The following OR9Q1 variants were observed in gnomAD, a reference collection of about 807,000 sequenced individuals.
The protein encoded by OR9Q1 is olfactory receptor 9Q1.
For synonymous variants in OR9Q1, 153 were observed against 148.6 expected, an observed-to-expected ratio of 1.03 and a Z score of -0.22; for missense variants, 374 against 378.8, an observed-to-expected ratio of 0.99 and a Z score of 0.11.
intron 2 of OR9Q1, among the ~76,000 whole-genome samples, chr11:58,138,573 T>C (rs1425535189): frequency 6.6e-6 from 1 of 152,216 alleles, no homozygotes; most frequent in Non-Finnish European, 1.5e-5. Context: ...TTTCCATTAA[T>C]TTAAATTGTA....
In OR9Q1 at chr11:58,142,140, A is replaced by T. The variant is rs554760432; in HGVS notation, c.-14-37291A>T. ...TGATGGTCTTAATATCCTTATCCTT[A>T]CTTTGATACTTTTAATTCCTCATAC... On this transcript the variant is annotated intron_variant, in intron 2 of 2. Transcript: ENST00000335397. Among the ~76,000 whole-genome samples, 3 of 152,158 alleles carry T rather than the reference A, an allele frequency of 2.0e-5. No homozygotes were observed. The South Asian group carries it at 6.2e-4, about 32-fold the overall frequency.
chr11:58,104,845 G>T (rs1399526625), intron 2 of OR9Q1, among the ~76,000 whole-genome samples: 2 of 152,134 alleles, frequency 1.3e-5, no homozygotes, highest in Non-Finnish European at 2.9e-5. Context: ...TTAATCCTGG[G>T]TGCCTGAATG....
chr11:58,118,666 A>G (rs769202886), intron 2 of OR9Q1: 1 of 1,613,900 alleles, frequency 6.2e-7, no homozygotes, highest in African/African-American at 1.3e-5. Context: ...GCCACTTTGC[A>G]GATACATGAA....
At chr11:58,098,205 C>T (rs1441212663) in intron 2 of OR9Q1, among the ~76,000 whole-genome samples, 2 of 152,062 alleles carry the variant, frequency 1.3e-5, no homozygotes, top group East Asian at 1.9e-4. Context: ...TTTTTTATCC[C>T]GTCGTGGGGA....
chr11:58,156,779 A>G (rs1428709379), intron 2 of OR9Q1, among the ~76,000 whole-genome samples: 2 of 152,114 alleles, frequency 1.3e-5, no homozygotes, highest in African/African-American at 4.8e-5. Flanking sequence ...GTCACTTTGT[A>G]TATCTATCCA....
At chr11:58,054,056 C>T (rs1406243250) in intron 1 of OR9Q1, among the ~76,000 whole-genome samples, 1 of 152,134 alleles carries the variant, frequency 6.6e-6, no homozygotes, top group Non-Finnish European at 1.5e-5. Flanking sequence ...TTATGGTAAC[C>T]ATTACACAAT....
rs575335073 is a variant in OR9Q1, at chr11:58,139,533, G to T, written c.-14-39898G>T. Reference sequence around the variant, plus strand: ...CCATCTATGAGTGAGAACATGTGGTGTTTGGTTTTTTGTCTTTGCGATAGT... The same window carrying T: ...CCATCTATGAGTGAGAACATGTGGTTTTTGGTTTTTTGTCTTTGCGATAGT... On this transcript the variant is annotated intron_variant, in intron 2 of 2. Transcript: ENST00000335397. Among the ~76,000 whole-genome samples the T allele has an allele frequency of 6.7e-3, 1,025 of 152,118 alleles. 13 individuals carry two copies. Among genetic ancestry groups the T allele is most frequent in the African/African-American group, 0.023 (964 of 41,492 alleles).
intron 1 of OR9Q1, among the ~76,000 whole-genome samples, chr11:58,032,573 A>T (rs1853052921): frequency 6.6e-6 from 1 of 152,212 alleles, no homozygotes; most frequent in Non-Finnish European, 1.5e-5. Flanking sequence ...TATGCAGAAG[A>T]CTGAAACTGA....
chr11:58,065,697 G>C (rs752146336), intron 2 of OR9Q1, among the ~76,000 whole-genome samples: 1 of 152,274 alleles, frequency 6.6e-6, no homozygotes, highest in East Asian at 1.9e-4. Context: ...ACACGCCCAG[G>C]CAGAAGTTGC....
chr11:58,085,568 A>C (rs1853626375), intron 2 of OR9Q1, among the ~76,000 whole-genome samples: 1 of 151,924 alleles, frequency 6.6e-6, no homozygotes, highest in East Asian at 1.9e-4. Context: ...CCTCTCCCCC[A>C]AAACCTGGGC....
chr11:58,065,334 G>C (rs1853418630), intron 2 of OR9Q1, among the ~76,000 whole-genome samples: 1 of 149,278 alleles, frequency 6.7e-6, no homozygotes, highest in Non-Finnish European at 1.5e-5. Flanking sequence ...TGCATAGACA[G>C]ACAGAAGCAG....
chr11:58,030,862 A>G, intron 1 of OR9Q1: 1 of 779,014 alleles, frequency 1.3e-6, no homozygotes. Flanking sequence ...AGTGAAAGGC[A>G]TTTTAGTACA....
chr11:58,082,489 C>G (rs60225863), intron 2 of OR9Q1, among the ~76,000 whole-genome samples: 1 of 149,652 alleles, frequency 6.7e-6, no homozygotes, highest in Middle Eastern at 3.2e-3. Context: ...AGTAAACTAT[C>G]GCAAGGACAA....
At chr11:58,094,231 GATAA>G (rs547015376) in intron 2 of OR9Q1, among the ~76,000 whole-genome samples, 11 of 152,148 alleles carry the variant, frequency 7.2e-5, no homozygotes, top group Non-Finnish European at 1.6e-4. Flanking sequence ...ATAAATGGGA[GATAA>G]ATAATGTGTA....
chr11:58,122,633 T>C (rs1854045710), intron 2 of OR9Q1, among the ~76,000 whole-genome samples: 1 of 152,150 alleles, frequency 6.6e-6, no homozygotes, highest in Non-Finnish European at 1.5e-5. Context: ...AGGTAGAAAA[T>C]TGAATGGCCT....
chr11:58,173,715 T>C (rs1168076000), intron 2 of OR9Q1, among the ~76,000 whole-genome samples: 1 of 152,090 alleles, frequency 6.6e-6, no homozygotes, highest in African/African-American at 2.4e-5. Context: ...TGGGAGGGCA[T>C]AGCAACATTT....
At chr11:58,061,952 A>G (rs894983354) in intron 2 of OR9Q1, among the ~76,000 whole-genome samples, 5 of 152,338 alleles carry the variant, frequency 3.3e-5, no homozygotes, top group African/African-American at 9.6e-5. Flanking sequence ...CTACTTGCCA[A>G]TCTCAAAGAT....
chr11:58,073,702 G>A (rs1380169167), intron 2 of OR9Q1: 1 of 152,138 alleles, frequency 6.6e-6, no homozygotes. Context: ...TGTTACATAG[G>A]TGTACATGTG....
In OR9Q1 at chr11:58,180,200, T is replaced by C; in HGVS notation, c.756T>C (p.Gly252=). Reference sequence around the variant, plus strand: ...TCACTGCTGTGTCACTCTTCTTTGGTACCCTCATCTTCATGTACTTGAGAG... The same window carrying C: ...TCACTGCTGTGTCACTCTTCTTTGGCACCCTCATCTTCATGTACTTGAGAG... ...SHLTAVSLFF[G]TLIFMYLRGN... Residue 252 remains glycine (G), a synonymous_variant, in exon 3 of 3, where the codon GGT becomes GGC. Coordinates refer to ENST00000335397, the MANE Select transcript of OR9Q1 (RefSeq NM_001005212.4). 1 of 1,614,128 alleles carries C rather than the reference T, an allele frequency of 6.2e-7. No individual in the cohort carries two copies. The highest frequency in any genetic ancestry group is 8.5e-7 in the Non-Finnish European group (1 of 1,179,986).
Sources: allele counts gnomAD v4.1 joint callset (sites outside exome capture counted in the v4.1 genomes callset), GRCh38; gene constraint gnomAD v4.1.1; transcripts MANE v1.5; gene names NCBI Gene and HGNC (gene_info 2026-07-23, HGNC 2026-07-21).